PRKG1: variants seen among roughly 807,000 people sequenced by gnomAD.
The protein encoded by PRKG1 is protein kinase cGMP-dependent 1, also known as cGMP-dependent protein kinase 1.
PRKG1 carries 35 observed loss-of-function variants against 88.1 expected under a neutral mutation model. That is an observed-to-expected ratio of 0.40 (90% CI 0.30 to 0.53). PRKG1 has a LOEUF of 0.53. PRKG1 is among the 20% of genes least tolerant of loss of function. The pLI is 0.59. For missense variants in PRKG1, 540 were observed against 839.8 expected (o/e 0.64, Z 4.41); for synonymous variants, 303 against 292.5 (o/e 1.04, Z -0.37).
chr10:51,115,386 A>ATATATATATATATAT (rs1465710988), intron 1 of PRKG1, among the ~76,000 whole-genome samples: 3,179 of 70,322 alleles, frequency 0.045, 315 homozygotes, highest in Middle Eastern at 0.087. Context: ...TATATATATA[A>ATATATATATATATAT]AACAAATGTG....
chr10:52,068,877 T>C (rs1204795237), intron 7 of PRKG1, among the ~76,000 whole-genome samples: 1 of 152,224 alleles, frequency 6.6e-6, no homozygotes, highest in African/African-American at 2.4e-5. Context: ...TCATAGCTTC[T>C]GGTTCTCTGA....
At chr10:51,586,009 A>G (rs1838163510) in intron 3 of PRKG1, among the ~76,000 whole-genome samples, 1 of 152,112 alleles carries the variant, frequency 6.6e-6, no homozygotes, top group Admixed American at 6.6e-5. Flanking sequence ...AAGGTTCAAA[A>G]GCTACCTGTT....
intron 8 of PRKG1, among the ~76,000 whole-genome samples, chr10:52,134,565 A>G (rs12785193): frequency 0.33 from 50,599 of 152,036 alleles, 8,758 homozygotes; most frequent in African/African-American, 0.42. Flanking sequence ...GTTAAAATGC[A>G]TATGTACTTT....
intron 5 of PRKG1, among the ~76,000 whole-genome samples, chr10:52,049,181 A>T (rs1193776119): frequency 6.6e-6 from 1 of 152,150 alleles, no homozygotes; most frequent in African/African-American, 2.4e-5. Context: ...ACAAACAGGG[A>T]TACAAAGTGA....
chr10:52,125,893 A>C (rs1043572893), intron 7 of PRKG1: 1 of 152,070 alleles, frequency 6.6e-6, no homozygotes, highest in African/African-American at 2.4e-5. Flanking sequence ...GCACTTTGGG[A>C]CAGTGATGTG....
intron 5 of PRKG1, among the ~76,000 whole-genome samples, chr10:52,049,172 C>T (rs1845930435): frequency 6.6e-6 from 1 of 152,030 alleles, no homozygotes; most frequent in African/African-American, 2.4e-5. Flanking sequence ...CACAGAAATA[C>T]AAACAGGGAT....
At chr10:51,771,064 A>G (rs1232779342) in intron 3 of PRKG1, among the ~76,000 whole-genome samples, 1 of 152,166 alleles carries the variant, frequency 6.6e-6, no homozygotes, top group Non-Finnish European at 1.5e-5. Context: ...ACTGTACTGA[A>G]TACTGTAGGC....
chr10:51,380,005 C>T (rs534802193), intron 2 of PRKG1, among the ~76,000 whole-genome samples: 2 of 152,258 alleles, frequency 1.3e-5, no homozygotes, highest in South Asian at 4.2e-4. Context: ...CAAAGAGATA[C>T]TGTGCTGTTT....
At chr10:51,754,046 C>T (rs1001694853) in intron 3 of PRKG1, among the ~76,000 whole-genome samples, 2 of 151,978 alleles carry the variant, frequency 1.3e-5, no homozygotes, top group African/African-American at 4.8e-5. Context: ...CCTTTTTGAC[C>T]TCAGGGAGTC....
At position 52,034,401 on chromosome 10, in the gene PRKG1, T is replaced by G. The variant is rs867849677; in HGVS notation, c.763-20083T>G. Among the ~76,000 whole-genome samples, 412 of 139,230 alleles carry G rather than the reference T, an allele frequency of 3.0e-3. 5 individuals are homozygous for G. Among genetic ancestry groups the G allele is most frequent in the African/African-American group, 0.011 (401 of 37,114 alleles). 91.3% of individuals were successfully genotyped at this position (139,230 alleles called of 152,430 possible). ...TGAAGGGAGGCCTTGTGGTAAGGGG[T>G]GATATTGTGGGGATGTTAGAAGAAA... is the stretch of plus-strand genomic sequence containing the variant. On this transcript the variant is annotated intron_variant, in intron 5 of 17. Transcript: ENST00000373980.
intron 2 of PRKG1, among the ~76,000 whole-genome samples, chr10:51,351,660 T>C (rs1017945889): frequency 6.6e-6 from 1 of 152,158 alleles, no homozygotes; most frequent in African/African-American, 2.4e-5. Flanking sequence ...TTCAGATGGA[T>C]AGATTGCAAA....
At chr10:51,811,182 T>C (rs888510127) in intron 4 of PRKG1, among the ~76,000 whole-genome samples, 6 of 152,278 alleles carry the variant, frequency 3.9e-5, no homozygotes, top group Non-Finnish European at 2.9e-5. Context: ...GGCAGCTCCC[T>C]ACTACAGTAA....
intron 5 of PRKG1, among the ~76,000 whole-genome samples, chr10:51,917,335 AAG>A (rs1170263709): frequency 6.6e-6 from 1 of 151,832 alleles, no homozygotes; most frequent in Non-Finnish European, 1.5e-5. Flanking sequence ...AAAAAAAAAA[AAG>A]AGTGTGGATT....
chr10:51,424,262 T>G (rs1838505969), intron 2 of PRKG1, among the ~76,000 whole-genome samples: 1 of 152,130 alleles, frequency 6.6e-6, no homozygotes, highest in Non-Finnish European at 1.5e-5. Flanking sequence ...ATCATTCATT[T>G]TATTTATATA....
intron 3 of PRKG1, among the ~76,000 whole-genome samples, chr10:51,470,882 G>T (rs1049240557): frequency 2.2e-4 from 33 of 151,760 alleles, no homozygotes; most frequent in African/African-American, 8.0e-4. Context: ...AAAATAAATT[G>T]GCATTCTTCT....
At chr10:51,697,948 T>C in intron 3 of PRKG1, 1 of 1,598,748 alleles carries the variant, frequency 6.3e-7, no homozygotes, top group Non-Finnish European at 8.5e-7. Context: ...TACTGACTCC[T>C]TGTATGCCTG....
Position 51,551,259 on chromosome 10 carries a change from A to G in PRKG1, c.592+83423A>G, listed in dbSNP as rs1837124992. 2.0e-5 allele frequency among the ~76,000 whole-genome samples: 3 copies of G among 151,848 alleles called. No homozygotes were observed. In the South Asian group the frequency reaches 6.2e-4, roughly 31 times the overall value. ...TATGGACCTCACTTCTGATCGATGC[A>G]CAAGGATCCTTTGTTAAGGAATTCA... On this transcript the variant is annotated intron_variant, in intron 3 of 17. Coordinates refer to ENST00000373980, the MANE Select transcript of PRKG1 (RefSeq NM_006258.4).
intron 7 of PRKG1, among the ~76,000 whole-genome samples, chr10:52,068,889 A>G (rs1448922947): frequency 1.3e-5 from 2 of 152,174 alleles, no homozygotes; most frequent in African/African-American, 4.8e-5. Flanking sequence ...GTTCTCTGAG[A>G]GTTGGCCCTT....
At chr10:51,720,856 G>A (rs1004682981) in intron 3 of PRKG1, among the ~76,000 whole-genome samples, 2 of 152,088 alleles carry the variant, frequency 1.3e-5, no homozygotes, top group Admixed American at 6.6e-5. Flanking sequence ...GATACAAATG[G>A]TGTTGCTGAG....
Sources: allele counts gnomAD v4.1 joint callset (sites outside exome capture counted in the v4.1 genomes callset), GRCh38; gene constraint gnomAD v4.1.1; transcripts MANE v1.5; gene names NCBI Gene and HGNC (gene_info 2026-07-23, HGNC 2026-07-21).